The following SNRNP40 variants were observed in gnomAD, a reference collection of about 807,000 sequenced individuals.
The protein encoded by SNRNP40 is small nuclear ribonucleoprotein U5 subunit 40.
In SNRNP40, 21 loss-of-function variants were observed where a neutral mutation model predicts 45.8. The ratio of observed to expected loss-of-function variants is 0.46; its 90% CI spans 0.32 to 0.66. SNRNP40 has a LOEUF of 0.66. SNRNP40 is among the 30% of genes least tolerant of loss of function. SNRNP40 has a pLI of 0.03. For synonymous variants in SNRNP40, 142 were observed against 163.8 expected, an observed-to-expected ratio of 0.87 and a Z score of 1.01; for missense variants, 344 against 439.1, an observed-to-expected ratio of 0.78 and a Z score of 1.94.
chr1:31,285,022 A>G (rs528727337), intron 4 of SNRNP40, among the ~76,000 whole-genome samples: 59 of 152,294 alleles, frequency 3.9e-4, no homozygotes, highest in African/African-American at 1.3e-3. Flanking sequence ...CTCAATAGAT[A>G]CTTCACTCAG....
intron 5 of SNRNP40, among the ~76,000 whole-genome samples, chr1:31,274,721 C>T (rs1447693883): frequency 6.6e-6 from 1 of 150,644 alleles, no homozygotes; most frequent in Non-Finnish European, 1.5e-5. Context: ...CGCCAGATTG[C>T]CAGCCAGACC....
At chr1:31,280,257 A>G (rs1236049194) in intron 5 of SNRNP40, among the ~76,000 whole-genome samples, 2 of 148,232 alleles carry the variant, frequency 1.3e-5, no homozygotes, top group African/African-American at 2.5e-5. Flanking sequence ...TCTGACTCCC[A>G]GGTTCAAGTA....
intron 4 of SNRNP40, among the ~76,000 whole-genome samples, chr1:31,287,227 G>A (rs1345568792): frequency 6.6e-6 from 1 of 152,042 alleles, no homozygotes; most frequent in African/African-American, 2.4e-5. Flanking sequence ...AAAGTACATT[G>A]CAAAAAGCTG....
At chr1:31,263,581 CT>C (rs369950885) in intron 8 of SNRNP40, 3 of 457,030 alleles carry the variant, frequency 6.6e-6, no homozygotes, top group South Asian at 1.6e-5. Flanking sequence ...TGAAGTAAAA[CT>C]TGAAGGGCAA....
intron 8 of SNRNP40, among the ~76,000 whole-genome samples, chr1:31,263,015 T>C (rs72659287): frequency 0.2 from 29,743 of 146,298 alleles, 3,560 homozygotes; most frequent in East Asian, 0.47. Flanking sequence ...AAAAAAAAAA[T>C]TATGTTTTTT....
chr1:31,279,229 C>T lies in SNRNP40; in HGVS notation c.654+2145G>A, dbSNP rs189273071. Among the ~76,000 whole-genome samples, 251 of 152,286 alleles carry T rather than the reference C, an allele frequency of 1.6e-3. 1 individual carries two copies. The highest frequency in any genetic ancestry group is 4.8e-3 in the African/African-American group (201 of 41,528). On this transcript the variant is annotated intron_variant, in intron 5 of 9. Transcript: ENST00000263694. Reference sequence around the variant, plus strand: ...ATTAGCTGTGTAACCTGGGTTTAAGCTGTTGTGCCTCTTTTAGCTCAGTTT... The same window carrying T: ...ATTAGCTGTGTAACCTGGGTTTAAGTTGTTGTGCCTCTTTTAGCTCAGTTT...
At chr1:31,291,102 A>C (rs1646104251) in intron 3 of SNRNP40, among the ~76,000 whole-genome samples, 1 of 151,692 alleles carries the variant, frequency 6.6e-6, no homozygotes, top group Non-Finnish European at 1.5e-5. Flanking sequence ...CAGCCTGACC[A>C]ACATGGAGAA....
rs992468622 is a variant in SNRNP40 at position 31,281,473 on chromosome 1, T to C, written c.555A>G (p.Ala185=). 1.2e-6 allele frequency: 2 copies of C among 1,607,190 alleles called. No individual in the cohort carries two copies. The highest frequency in any genetic ancestry group is 2.7e-5 in the African/African-American group (2 of 74,880). The stretch of plus-strand genomic sequence containing the variant: ...ACGTGTTCTGAAATGTCTGGATGGC[T>C]GCTTTCTTCCGGATGTCCCAAAGCT... ...TVKLWDIRKK[A]AIQTFQNTYQ... The change falls in exon 5 of 10, where the codon GCA becomes GCG. Residue 185 remains alanine, a synonymous_variant. Coordinates refer to ENST00000263694, the MANE Select transcript of SNRNP40 (RefSeq NM_004814.3).
chr1:31,289,158 A>T, intron 4 of SNRNP40, 96 bp downstream of exon 4: 3 of 1,120,538 alleles, frequency 2.7e-6, no homozygotes, highest in Non-Finnish European at 3.8e-6. Flanking sequence ...TGCTAAAATT[A>T]AGTTTTGCAC....
chr1:31,282,724 G>A (rs770678122), intron 4 of SNRNP40, among the ~76,000 whole-genome samples: 33 of 151,958 alleles, frequency 2.2e-4, no homozygotes, highest in Admixed American at 1.3e-4. Context: ...CACCCAGGCC[G>A]GAGTGCGGTG....
At chr1:31,276,569 GAGCAGCTATGTGATAATA>G (rs1409719340) in intron 5 of SNRNP40, among the ~76,000 whole-genome samples, 1 of 152,142 alleles carries the variant, frequency 6.6e-6, no homozygotes, top group Non-Finnish European at 1.5e-5. Context: ...CCTGACAAAG[GAGCAGCTATGTGATAATA>G]AGTGAAAAGA....
At chr1:31,277,500 AT>A (rs1645984046) in intron 5 of SNRNP40, among the ~76,000 whole-genome samples, 2 of 152,342 alleles carry the variant, frequency 1.3e-5, no homozygotes, top group South Asian at 4.1e-4. Flanking sequence ...TGCATAAAAC[AT>A]TTAAGGTAAA....
At chr1:31,293,843 T>C (rs1557681409) in intron 1 of SNRNP40, among the ~76,000 whole-genome samples, 1 of 151,976 alleles carries the variant, frequency 6.6e-6, no homozygotes, top group African/African-American at 2.4e-5. Flanking sequence ...AGCACTAAGA[T>C]TATAGGAATG....
intron 6 of SNRNP40, chr1:31,269,509 T>C (rs987248269): frequency 1.7e-5 from 11 of 661,448 alleles, no homozygotes; most frequent in Non-Finnish European, 2.5e-5. Context: ...CAGAATGCAG[T>C]TGGGTGTGAT....
chr1:31,288,152 G>A (rs1359677896), intron 4 of SNRNP40, among the ~76,000 whole-genome samples: 3 of 148,624 alleles, frequency 2.0e-5, no homozygotes, highest in African/African-American at 7.5e-5. Flanking sequence ...GATAGAGCAA[G>A]ACCCTGTCTC....
chr1:31,292,288 G>A (rs530222780), intron 2 of SNRNP40, among the ~76,000 whole-genome samples: 2 of 152,288 alleles, frequency 1.3e-5, no homozygotes, highest in East Asian at 1.9e-4. Flanking sequence ...CTTGAACCCA[G>A]GAGACGGAGG....
chr1:31,262,524 A>G (rs77250923), intron 8 of SNRNP40, among the ~76,000 whole-genome samples: 1 of 78,668 alleles, frequency 1.3e-5, no homozygotes, highest in Non-Finnish European at 2.9e-5. Flanking sequence ...CCATCTCCAA[A>G]AAAAAAAAAA....
At chr1:31,280,728 C>T (rs1245507632) in intron 5 of SNRNP40, among the ~76,000 whole-genome samples, 2 of 151,648 alleles carry the variant, frequency 1.3e-5, no homozygotes, top group East Asian at 3.9e-4. Context: ...ATGAATCAGG[C>T]TCATTTAATC....
rs138271846 is a variant in SNRNP40, at chr1:31,267,814, G to A, written c.920+57C>T. The A allele has an allele frequency of 1.2e-4, 159 of 1,360,582 alleles. 1 individual carries two copies. In the East Asian group the frequency reaches 3.2e-3, roughly 27 times the overall value. The allele number at this position is 1,360,582 out of a possible 1,614,324, so 84.3% of individuals were successfully genotyped here. Reference sequence around the variant, plus strand: ...CCCAAAGTGCTGGGATTGCAGGCACGAGCCACCGCATCCGGCCAGCTACAT... The same window carrying A: ...CCCAAAGTGCTGGGATTGCAGGCACAAGCCACCGCATCCGGCCAGCTACAT... On this transcript the variant is annotated intron_variant, in intron 8 of 9. Transcript: ENST00000263694.
Sources: allele counts gnomAD v4.1 joint callset (sites outside exome capture counted in the v4.1 genomes callset), GRCh38; gene constraint gnomAD v4.1.1; transcripts MANE v1.5; gene names NCBI Gene and HGNC (gene_info 2026-07-23, HGNC 2026-07-21).